RERG: variants seen among roughly 807,000 people sequenced by gnomAD.
RERG encodes the protein RAS like estrogen regulated growth inhibitor, also known as ras-related and estrogen-regulated growth inhibitor.
A neutral mutation model predicts 23.2 loss-of-function variants in RERG; 25 were observed. The ratio of observed to expected loss-of-function variants is 1.08; its 90% CI spans 0.79 to 1.50. The LOEUF (loss-of-function observed/expected upper bound fraction) is 1.50, where lower values mean the gene tolerates loss of function less well. RERG is among the 40% of genes most tolerant of loss of function. The pLI, the probability that RERG is intolerant of heterozygous loss-of-function variation, is 0.00. For missense variants in RERG, 253 were observed against 250.1 expected, an observed-to-expected ratio of 1.01 and a Z score of -0.08; for synonymous variants, 81 against 89.1, an observed-to-expected ratio of 0.91 and a Z score of 0.51.
intron 2 of RERG, among the ~76,000 whole-genome samples, chr12:15,174,897 G>T (rs980447306): frequency 4.0e-5 from 6 of 151,694 alleles, no homozygotes; most frequent in African/African-American, 1.5e-4. Context: ...TTTTCTATTA[G>T]TTCTTTAAAC....
intron 2 of RERG, chr12:15,138,115 TGAG>T (rs1361662095): frequency 8.8e-5 from 22 of 248,926 alleles, no homozygotes; most frequent in African/African-American, 3.4e-4. Context: ...GCATAATTTC[TGAG>T]GAGAAGTTTG....
chr12:15,210,286 T>C (rs565027672), intron 2 of RERG, among the ~76,000 whole-genome samples: 1 of 152,338 alleles, frequency 6.6e-6, no homozygotes, highest in Admixed American at 6.5e-5. Flanking sequence ...ATGGAATTAA[T>C]AGATAGCTGG....
intron 2 of RERG, among the ~76,000 whole-genome samples, chr12:15,126,447 A>C (rs1863943930): frequency 6.6e-6 from 1 of 152,004 alleles, no homozygotes; most frequent in South Asian, 2.1e-4. Context: ...ATTTTGCTTC[A>C]CCATCTTAAT....
rs148701829 is a variant in RERG at position 15,206,117 on chromosome 12, C to T, written c.61+11312G>A. Among the ~76,000 whole-genome samples the T allele has an allele frequency of 3.3e-3, 501 of 152,128 alleles. 3 individuals are homozygous for T. The highest frequency in any genetic ancestry group is 0.011 in the African/African-American group (460 of 41,514). The stretch of plus-strand genomic sequence containing the variant: ...CCATGCAATCTAGCTCAATCCCTTC[C>T]CACTATTATCATATAGCACAAAGTA... On this transcript the variant is annotated intron_variant, in intron 2 of 4. Coordinates refer to ENST00000256953, the MANE Select transcript of RERG (RefSeq NM_032918.3).
chr12:15,111,819 G>A (rs565179056), intron 3 of RERG, among the ~76,000 whole-genome samples: 1 of 151,888 alleles, frequency 6.6e-6, no homozygotes, highest in South Asian at 2.1e-4. Flanking sequence ...GGGATTACAG[G>A]TGCCTTCCAC....
chr12:15,134,082 C>T (rs999832368), intron 2 of RERG, among the ~76,000 whole-genome samples: 4 of 151,680 alleles, frequency 2.6e-5, no homozygotes, highest in Non-Finnish European at 5.9e-5. Flanking sequence ...GTTTTTTTCA[C>T]AGAGAAGTTC....
intron 2 of RERG, among the ~76,000 whole-genome samples, chr12:15,143,948 TG>T (rs1257144398): frequency 6.6e-6 from 1 of 151,812 alleles, no homozygotes. Context: ...AAAGGGCAAG[TG>T]TAGAGGTTCT....
intron 2 of RERG, among the ~76,000 whole-genome samples, chr12:15,132,251 C>A (rs992228174): frequency 4.6e-5 from 7 of 152,162 alleles, no homozygotes; most frequent in African/African-American, 1.7e-4. Flanking sequence ...TTCCCTTTCA[C>A]TCCTACCATT....
intron 2 of RERG, among the ~76,000 whole-genome samples, chr12:15,137,373 T>A (rs565673382): frequency 2.0e-5 from 3 of 151,866 alleles, no homozygotes; most frequent in Non-Finnish European, 2.9e-5. Context: ...ATATTTAAAA[T>A]GATTACTGAT....
intron 2 of RERG, among the ~76,000 whole-genome samples, chr12:15,137,473 C>T (rs919185793): frequency 6.6e-6 from 1 of 151,550 alleles, no homozygotes; most frequent in Non-Finnish European, 1.5e-5. Flanking sequence ...CTTTTTTCTA[C>T]CTTTTTTGGT....
At chr12:15,165,433 T>C (rs1175831599) in intron 2 of RERG, among the ~76,000 whole-genome samples, 2 of 152,220 alleles carry the variant, frequency 1.3e-5, no homozygotes, top group Non-Finnish European at 2.9e-5. Flanking sequence ...TAAATTGTAC[T>C]TCCAGAAAAT....
chr12:15,170,104 C>G (rs1356940903), intron 2 of RERG, among the ~76,000 whole-genome samples: 1 of 152,006 alleles, frequency 6.6e-6, no homozygotes, highest in Non-Finnish European at 1.5e-5. Flanking sequence ...AGAAATGGCA[C>G]TCATAAATGA....
chr12:15,133,401 C>T (rs950007246), intron 2 of RERG, among the ~76,000 whole-genome samples: 9 of 151,850 alleles, frequency 5.9e-5, no homozygotes, highest in Non-Finnish European at 1.3e-4. Flanking sequence ...GTTTCCTGCA[C>T]GTTTTTTCAT....
intron 2 of RERG, among the ~76,000 whole-genome samples, chr12:15,214,883 T>C (rs753885460): frequency 6.6e-6 from 1 of 152,186 alleles, no homozygotes; most frequent in Non-Finnish European, 1.5e-5. Context: ...TAGTTTGTGG[T>C]CGTTTTCACT....
At chr12:15,181,840 GA>G (rs879463408) in intron 2 of RERG, among the ~76,000 whole-genome samples, 18 of 152,224 alleles carry the variant, frequency 1.2e-4, no homozygotes, top group Admixed American at 1.2e-3. Context: ...GAACCAAGTG[GA>G]AAATACCTGC....
At chr12:15,154,795 C>T (rs1864497905) in intron 2 of RERG, among the ~76,000 whole-genome samples, 1 of 152,066 alleles carries the variant, frequency 6.6e-6, no homozygotes, top group Non-Finnish European at 1.5e-5. Flanking sequence ...AACTTAAAGA[C>T]TATTATGTAA....
At chr12:15,158,158 C>T (rs1423981990) in intron 2 of RERG, among the ~76,000 whole-genome samples, 2 of 151,998 alleles carry the variant, frequency 1.3e-5, no homozygotes, top group Admixed American at 1.3e-4. Context: ...TTCAATTGTC[C>T]CAATCATGCC....
chr12:15,174,065 G>C (rs367935578), intron 2 of RERG, among the ~76,000 whole-genome samples: 8 of 151,838 alleles, frequency 5.3e-5, no homozygotes, highest in African/African-American at 1.9e-4. Flanking sequence ...TTTCAATTCT[G>C]TATGAAGGAT....
At chr12:15,128,333 A>G (rs1040716029) in intron 2 of RERG, among the ~76,000 whole-genome samples, 1 of 152,226 alleles carries the variant, frequency 6.6e-6, no homozygotes, top group Admixed American at 6.5e-5. Flanking sequence ...GTAGATGAGG[A>G]AAACAAGTAT....
Sources: allele counts gnomAD v4.1 joint callset (sites outside exome capture counted in the v4.1 genomes callset), GRCh38; gene constraint gnomAD v4.1.1; transcripts MANE v1.5; gene names NCBI Gene and HGNC (gene_info 2026-07-23, HGNC 2026-07-21).